Variants in EIF3J observed in about 807,000 individuals in gnomAD.
The protein encoded by EIF3J is eukaryotic translation initiation factor 3 subunit J.
A neutral mutation model predicts 39.0 loss-of-function variants in EIF3J; 15 were observed. The observed-to-expected ratio is 0.38, with a 90% CI of 0.26 to 0.59. The LOEUF (loss-of-function observed/expected upper bound fraction) is 0.59, where lower values mean the gene tolerates loss of function less well. Among genes scored for constraint, EIF3J ranks in the 20% least tolerant of loss-of-function variants. EIF3J has a pLI of 0.60. For missense variants in EIF3J, 226 were observed against 308.6 expected (o/e 0.73, Z 2.00); for synonymous variants, 98 against 112.9 (o/e 0.87, Z 0.84).
In EIF3J at chr15:44,560,307, A is replaced by G. The variant is rs2082181156; in HGVS notation, c.630A>G (p.Lys210=). 6.2e-7 allele frequency: 1 copy of G among 1,612,942 alleles called. No homozygotes were observed. Among genetic ancestry groups the G allele is most frequent in the African/African-American group, 1.3e-5 (1 of 74,878 alleles). The change falls in exon 7 of 8, where the codon AAA becomes AAG. Residue 210 remains lysine (K), a synonymous_variant. Transcript: ENST00000261868. ...CACTGACTGTGCTTTGCAGTGAAAA[A>G]CAGAAGCAAGAAAAGGTAAGAGCAA... is the stretch of plus-strand genomic sequence containing the variant. ...TNSLTVLCSE[K]QKQEKQSKAK...
intron 5 of EIF3J, among the ~76,000 whole-genome samples, chr15:44,555,092 G>C (rs1032396725): frequency 4.6e-5 from 7 of 152,158 alleles, no homozygotes; most frequent in Non-Finnish European, 1.0e-4. Context: ...CTTGTGCTCA[G>C]TGTCATTTCC....
At chr15:44,545,844 A>G (rs894994455) in intron 2 of EIF3J, among the ~76,000 whole-genome samples, 2 of 152,206 alleles carry the variant, frequency 1.3e-5, no homozygotes, top group African/African-American at 4.8e-5. Context: ...TGGTCCATTC[A>G]GAGCAGGTCC....
intron 6 of EIF3J, among the ~76,000 whole-genome samples, chr15:44,559,477 G>A (rs2082173151): frequency 6.6e-6 from 1 of 151,634 alleles, no homozygotes; most frequent in Non-Finnish European, 1.5e-5. Context: ...TTGGGAGGCC[G>A]AGGCAGGCGG....
intron 2 of EIF3J, among the ~76,000 whole-genome samples, chr15:44,541,581 G>A (rs1225477774): frequency 6.6e-6 from 1 of 151,790 alleles, no homozygotes; most frequent in African/African-American, 2.4e-5. Flanking sequence ...TTCACTCTCT[G>A]TTAGGATCCT....
At chr15:44,549,485 TG>T (rs1310570420) in intron 2 of EIF3J, among the ~76,000 whole-genome samples, 1 of 151,922 alleles carries the variant, frequency 6.6e-6, no homozygotes, top group East Asian at 1.9e-4. Flanking sequence ...AAGAAAAGAC[TG>T]GGGCTAGGCA....
intron 7 of EIF3J, chr15:44,560,714 T>A (rs1296881316): frequency 2.9e-6 from 1 of 344,892 alleles, no homozygotes; most frequent in Admixed American, 4.3e-5. Flanking sequence ...GATTTTAAAT[T>A]GGGGGGTACT....
rs1256380615 is a variant in EIF3J, at chr15:44,560,292, G to A, written c.615G>A (p.Val205=). The change falls in exon 7 of 8, where the codon GTG becomes GTA. Residue 205 remains valine (V), a synonymous_variant. Coordinates refer to ENST00000261868, the MANE Select transcript of EIF3J (RefSeq NM_003758.4). The part of the protein sequence containing the change: ...DLKKITNSLT[V]LCSEKQKQEK... The stretch of plus-strand genomic sequence containing the variant: ...AAAAAATTACCAATTCACTGACTGT[G>A]CTTTGCAGTGAAAAACAGAAGCAAG... The A allele has an allele frequency of 6.2e-7, 1 of 1,612,124 alleles. No homozygotes were observed. Among genetic ancestry groups the A allele is most frequent in the Non-Finnish European group, 8.5e-7 (1 of 1,179,596 alleles).
In EIF3J at chr15:44,537,938, G is replaced by GA. The variant is rs558016524; in HGVS notation, c.147+512dup. Among the ~76,000 whole-genome samples the GA allele has an allele frequency of 4.9e-3, 739 of 152,072 alleles. 4 individuals carry two copies. The highest frequency in any genetic ancestry group is 7.7e-3 in the Non-Finnish European group (521 of 67,972). On this transcript the variant is annotated intron_variant, in intron 2 of 7. Transcript: ENST00000261868. The stretch of plus-strand genomic sequence containing the variant: ...GAATTTCAACCTTTTTTTCCCACAC[G>GA]AGACAGCTAGAAACAGTAAAGGGAA...
intron 6 of EIF3J, chr15:44,559,249 A>AC (rs1231782592): frequency 1.3e-5 from 2 of 150,304 alleles, no homozygotes; most frequent in Admixed American, 1.3e-4. Flanking sequence ...AAAAAAAAAA[A>AC]AAAAACACAA....
chr15:44,545,269 GAATTA>G (rs1337649884), intron 2 of EIF3J, among the ~76,000 whole-genome samples: 6 of 151,976 alleles, frequency 3.9e-5, no homozygotes, highest in Non-Finnish European at 7.4e-5. Flanking sequence ...TTATTCCAGC[GAATTA>G]AATTGTTTAC....
intron 3 of EIF3J, 106 bp from the exon 4 acceptor site, chr15:44,551,325 G>T: frequency 1.4e-6 from 1 of 728,936 alleles, no homozygotes; most frequent in Non-Finnish European, 2.2e-6. Context: ...ACTGTTTGAA[G>T]CTGGGAAAGG....
intron 2 of EIF3J, among the ~76,000 whole-genome samples, chr15:44,541,688 A>G (rs2082015665): frequency 6.6e-6 from 1 of 152,248 alleles, no homozygotes; most frequent in Non-Finnish European, 1.5e-5. Flanking sequence ...AGAATGTGAA[A>G]TTACTAGGAA....
At chr15:44,550,020 G>A (rs1282864344) in intron 2 of EIF3J, among the ~76,000 whole-genome samples, 13 of 151,948 alleles carry the variant, frequency 8.6e-5, no homozygotes, top group Admixed American at 8.5e-4. Context: ...CAATTCATGG[G>A]GAAACAATAG....
intron 7 of EIF3J, 32 bp from the exon 8 acceptor site, chr15:44,560,986 A>C: frequency 6.2e-7 from 1 of 1,609,386 alleles, no homozygotes; most frequent in Non-Finnish European, 8.5e-7. Context: ...TAGCACACTA[A>C]GGTTCATGAA....
At chr15:44,540,890 G>A (rs1165467538) in intron 2 of EIF3J, among the ~76,000 whole-genome samples, 1 of 152,188 alleles carries the variant, frequency 6.6e-6, no homozygotes, top group Non-Finnish European at 1.5e-5. Context: ...AATGTCCTGG[G>A]AAATGAAAGG....
At chr15:44,555,294 T>C (rs1812501163) in intron 5 of EIF3J, among the ~76,000 whole-genome samples, 1 of 152,188 alleles carries the variant, frequency 6.6e-6, no homozygotes, top group Non-Finnish European at 1.5e-5. Context: ...TTAACCAAGT[T>C]ATCGTTACCT....
Position 44,537,176 on chromosome 15 carries a change from C to A in EIF3J, c.-19C>A. 6.2e-7 allele frequency: 1 copy of A among 1,612,840 alleles called. No homozygotes were observed. Among genetic ancestry groups the A allele is most frequent in the African/African-American group, 1.3e-5 (1 of 74,932 alleles). On this transcript the variant is annotated 5_prime_UTR_variant, in exon 1 of 8. Transcript: ENST00000261868. ...CCTCGCTAGCTCTCCCTCTCACACACGCTCACACCCGGCTCGAGATGGCGG... is the reference window on the plus strand; with the variant it reads ...CCTCGCTAGCTCTCCCTCTCACACAAGCTCACACCCGGCTCGAGATGGCGG...
In EIF3J at chr15:44,562,530, T is replaced by TA. The variant is rs2082212998; in HGVS notation, c.*1381_*1382insA. 6.5e-6 allele frequency: 1 copy of TA among 152,708 alleles called. No individual in the cohort carries two copies. The highest frequency in any genetic ancestry group is 1.5e-5 in the Non-Finnish European group (1 of 68,106). The allele number at this position is 152,708 out of a possible 1,614,324, so 9.5% of individuals were successfully genotyped here. On this transcript the variant is annotated 3_prime_UTR_variant, in exon 8 of 8. Coordinates refer to ENST00000261868, the MANE Select transcript of EIF3J (RefSeq NM_003758.4). Reference sequence around the variant, plus strand: ...TCTTATATAGGAAATAATAGGAACGTCAAAGCTCTGTATACCTACTAAGTG... The same window carrying TA: ...TCTTATATAGGAAATAATAGGAACGTACAAAGCTCTGTATACCTACTAAGTG...
chr15:44,560,134 C>T (rs1269080145), intron 6 of EIF3J, 115 bp from the exon 7 acceptor site: 1 of 786,404 alleles, frequency 1.3e-6, no homozygotes, highest in Non-Finnish European at 1.9e-6. Flanking sequence ...TCTCATAACA[C>T]TTTTGGAATG....
Sources: gnomAD v4.1 joint callset for allele counts (sites outside exome capture counted in the v4.1 genomes callset) on GRCh38, gnomAD v4.1.1 for gene constraint, MANE v1.5 for transcripts, NCBI Gene and HGNC (gene_info 2026-07-23, HGNC 2026-07-21) for gene names.